The following PCDHGA10 variants were observed in gnomAD, a reference collection of about 807,000 sequenced individuals.
PCDHGA10 encodes protocadherin gamma subfamily A, 10.
Under a neutral mutation model 59.5 loss-of-function variants are expected in PCDHGA10, and 42 were observed. The ratio of observed to expected loss-of-function variants is 0.71; its 90% CI spans 0.55 to 0.91. The LOEUF (loss-of-function observed/expected upper bound fraction) is 0.91. Ranked by LOEUF, PCDHGA10 falls within the 40% of genes least tolerant of loss-of-function variation. The pLI is 0.00. For synonymous variants in PCDHGA10, 511 were observed against 517.2 expected (o/e 0.99, Z 0.16); for missense variants, 1,111 against 1,198.2 (o/e 0.93, Z 1.07).
intron 1 of PCDHGA10, among the ~76,000 whole-genome samples, chr5:141,472,192 C>A (rs2099274015): frequency 1.3e-5 from 2 of 152,134 alleles, no homozygotes; most frequent in South Asian, 2.1e-4. Context: ...GAATTTGAAT[C>A]TTTTTGACAC....
In PCDHGA10 at chr5:141,432,571, G is replaced by A. The variant is rs776214748; in HGVS notation, c.2436+16960G>A. On this transcript the variant is annotated intron_variant, in intron 1 of 3. Coordinates refer to ENST00000398610, the MANE Select transcript of PCDHGA10 (RefSeq NM_018913.3). The surrounding 1 kb of genome is among the most constrained non-coding windows in gnomAD (Gnocchi z 6.0). ...GAGACTCCGGCCAGAACGCCTGGCT[G>A]TCCTACCGTCTGCTCAAGGCCAGCG... is the stretch of plus-strand genomic sequence containing the variant. 1.2e-6 allele frequency: 2 copies of A among 1,613,954 alleles called. No homozygotes were observed. Among genetic ancestry groups the A allele is most frequent in the South Asian group, 1.1e-5 (1 of 91,068 alleles).
chr5:141,430,643 T>G (rs1432236231), intron 1 of PCDHGA10: 16 of 946,950 alleles, frequency 1.7e-5, no homozygotes, highest in South Asian at 2.5e-5. Flanking sequence ...CCTGGGAGTA[T>G]GTGGAAACAA....
intron 2 of PCDHGA10, among the ~76,000 whole-genome samples, chr5:141,498,411 C>T (rs747823234): frequency 2.0e-5 from 3 of 152,158 alleles, no homozygotes; most frequent in Non-Finnish European, 4.4e-5. Context: ...TTTCTCTTTG[C>T]TGGCACTGGA....
chr5:141,496,980 G>T (rs186715298), intron 2 of PCDHGA10, among the ~76,000 whole-genome samples: 1 of 151,974 alleles, frequency 6.6e-6, no homozygotes, highest in Admixed American at 6.6e-5. Flanking sequence ...GAGGTCAGGG[G>T]TTTGAGACCA....
At chr5:141,496,400 A>G (rs540108338) in intron 2 of PCDHGA10, among the ~76,000 whole-genome samples, 2 of 152,240 alleles carry the variant, frequency 1.3e-5, no homozygotes, top group East Asian at 3.9e-4. Flanking sequence ...TACCTCCTCA[A>G]TGGTTGAGTA....
In PCDHGA10 at chr5:141,422,749, A is replaced by G. The variant is rs202046219; in HGVS notation, c.2436+7138A>G. Reference sequence around the variant, plus strand: ...GGTGCCTCTGTCCTCCTATGTCTCTATTAACTCCAACACTGGTGTTCTCTA... The same window carrying G: ...GGTGCCTCTGTCCTCCTATGTCTCTGTTAACTCCAACACTGGTGTTCTCTA... On this transcript the variant is annotated intron_variant, in intron 1 of 3. Coordinates refer to ENST00000398610, the MANE Select transcript of PCDHGA10 (RefSeq NM_018913.3). 269 of 1,611,644 alleles carry G rather than the reference A, an allele frequency of 1.7e-4. 1 individual carries two copies. The African/African-American group carries it at 3.3e-3, about 20-fold the overall frequency.
intron 1 of PCDHGA10, chr5:141,492,069 C>A (rs1595083522): frequency 2.1e-6 from 1 of 475,880 alleles, no homozygotes; most frequent in East Asian, 3.3e-5. Context: ...GCCTCCTAGG[C>A]GCCGGCTCCG....
At chr5:141,501,326 CACACACA>C (rs1562200783) in intron 2 of PCDHGA10, among the ~76,000 whole-genome samples, 10 of 151,784 alleles carry the variant, frequency 6.6e-5, no homozygotes, top group African/African-American at 1.9e-4. Flanking sequence ...CACACACACA[CACACACA>C]CCCCAAACTC....
intron 1 of PCDHGA10, among the ~76,000 whole-genome samples, chr5:141,435,794 C>T (rs993951734): frequency 2.6e-5 from 4 of 151,934 alleles, no homozygotes; most frequent in Admixed American, 6.6e-5. Flanking sequence ...GGAAACATAA[C>T]GTCCCAATTA....
Position 141,494,842 on chromosome 5 carries a change from G to A in PCDHGA10, c.2472G>A (p.Gln824=). 1 of 1,614,116 alleles carries A rather than the reference G, an allele frequency of 6.2e-7. No homozygotes were observed. Among genetic ancestry groups the A allele is most frequent in the Non-Finnish European group, 8.5e-7 (1 of 1,180,018 alleles). The change falls in exon 2 of 4, where the codon CAG becomes CAA. Residue 824 remains glutamine, a synonymous_variant. Coordinates refer to ENST00000398610, the MANE Select transcript of PCDHGA10 (RefSeq NM_018913.3). ...APPNTDWRFS[Q]AQRPGTSGSQ... is the part of the protein sequence containing the mutation. ...CCAACACGGACTGGCGTTTCTCTCA[G>A]GCCCAGAGACCCGGCACCAGCGGGT... is the stretch of plus-strand genomic sequence containing the variant.
rs1283688342 is a variant in PCDHGA10, at chr5:141,437,688, T to G, written c.2436+22077T>G. On this transcript the variant is annotated intron_variant, in intron 1 of 3. Transcript: ENST00000398610. ...GAGATGTTGATCAAACTGATGAGGCTAAATCTCAAGAAAGAGACACAGTTA... is the reference window on the plus strand; with the variant it reads ...GAGATGTTGATCAAACTGATGAGGCGAAATCTCAAGAAAGAGACACAGTTA... Among the ~76,000 whole-genome samples the G allele has an allele frequency of 4.0e-5, 6 of 151,890 alleles. 1 individual carries two copies. The East Asian group carries it at 1.2e-3, about 29-fold the overall frequency.
In PCDHGA10 at chr5:141,485,865, C is replaced by T. The variant is rs1214425261; in HGVS notation, c.2437-8942C>T. The stretch of plus-strand genomic sequence containing the variant: ...TCTGGCACCGCAGAGCTCCGGGTAT[C>T]CGTGCTGGACGTAAACGACAACGCC... On this transcript the variant is annotated intron_variant, in intron 1 of 3. Transcript: ENST00000398610. The surrounding 1 kb of genome is among the most constrained non-coding windows in gnomAD (Gnocchi z 5.7). 23 of 1,614,182 alleles carry T rather than the reference C, an allele frequency of 1.4e-5. No homozygotes were observed. Among genetic ancestry groups the T allele is most frequent in the Non-Finnish European group, 1.8e-5 (21 of 1,180,034 alleles).
At chr5:141,450,627 C>G (rs947866993) in intron 1 of PCDHGA10, among the ~76,000 whole-genome samples, 1 of 151,592 alleles carries the variant, frequency 6.6e-6, no homozygotes, top group African/African-American at 2.4e-5. Context: ...GCTGGGATTA[C>G]AGATGCCTGC....
chr5:141,497,614 A>G (rs1377740795), intron 2 of PCDHGA10, among the ~76,000 whole-genome samples: 1 of 146,530 alleles, frequency 6.8e-6, no homozygotes, highest in Admixed American at 7.0e-5. Context: ...ATCTTGGCTC[A>G]CTGCAACCTC....
chr5:141,418,497 CCG>C, intron 1 of PCDHGA10: 1 of 1,613,994 alleles, frequency 6.2e-7, no homozygotes, highest in Non-Finnish European at 8.5e-7. Flanking sequence ...TTGGTACTGA[CCG>C]CCTTAGATGG....
intron 3 of PCDHGA10, among the ~76,000 whole-genome samples, chr5:141,509,040 C>T (rs1217864661): frequency 6.6e-6 from 1 of 152,132 alleles, no homozygotes; most frequent in African/African-American, 2.4e-5. Context: ...CAACCCCTCT[C>T]CCCCGCCCCC....
rs1346192710 is a variant in PCDHGA10 at position 141,414,868 on chromosome 5, G to A, written c.1693G>A (p.Glu565Lys). Residue 565 changes from glutamate to lysine, a missense_variant, in exon 1 of 4, where the codon GAG (glutamate) becomes AAG (lysine). Physicochemically the swap from Glu to Lys is moderately conservative, Grantham distance 56. Coordinates refer to ENST00000398610, the MANE Select transcript of PCDHGA10 (RefSeq NM_018913.3). ...GCTGGACCAGAACGACAATGCGCCC[G>A]AGATCCTGTACCCCGCCCTCCCCAC... is the stretch of plus-strand genomic sequence containing the variant. ...FVLDQNDNAP[E>K]ILYPALPTDG... 6.2e-7 allele frequency: 1 copy of A among 1,614,098 alleles called. No homozygotes were observed. The highest frequency in any genetic ancestry group is 1.3e-5 in the African/African-American group (1 of 74,944).
chr5:141,430,235 G>T (rs1020445956), intron 1 of PCDHGA10, among the ~76,000 whole-genome samples: 3 of 128,670 alleles, frequency 2.3e-5, no homozygotes, highest in Non-Finnish European at 4.7e-5. Context: ...GTCAAAAAGA[G>T]AAACTCCTAG....
intron 1 of PCDHGA10, chr5:141,418,920 A>G: frequency 6.2e-7 from 1 of 1,613,992 alleles, no homozygotes; most frequent in Non-Finnish European, 8.5e-7. Flanking sequence ...TCACTCTCTG[A>G]TCAGATTATG....
Sources: gnomAD v4.1 joint callset for allele counts (sites outside exome capture counted in the v4.1 genomes callset) on GRCh38, gnomAD v4.1.1 for gene constraint, Gnocchi (gnomAD v3.1) non-coding constraint, MANE v1.5 for transcripts, NCBI Gene and HGNC (gene_info 2026-07-23, HGNC 2026-07-21) for gene names.